The following BBS7 variants were observed in gnomAD, a reference collection of about 807,000 sequenced individuals.
BBS7 encodes the protein Bardet-Biedl syndrome 7.
A neutral mutation model predicts 90.3 loss-of-function variants in BBS7; 50 were observed. The ratio of observed to expected loss-of-function variants is 0.55; its 90% CI spans 0.44 to 0.70. The LOEUF (loss-of-function observed/expected upper bound fraction) is 0.70. Among genes scored for constraint, BBS7 ranks in the 30% least tolerant of loss-of-function variants. The pLI is 0.00. For missense variants in BBS7, 729 were observed against 838.9 expected (o/e 0.87, Z 1.62); for synonymous variants, 235 against 287.4 (o/e 0.82, Z 1.85).
chr4:121,839,675 C>T lies in BBS7; in HGVS notation c.1327G>A (p.Ala443Thr), dbSNP rs762270446. Reference protein sequence around the residue: ...DSESNDNFLLATYRCQADTTR... With the variant: ...DSESNDNFLLTTYRCQADTTR... Reference sequence around the variant, plus strand: ...GTATCTGCCTGGCACCGATAAGTGGCAAGAAGGAAGTTGTCGTTTGACTGG... The same window carrying T: ...GTATCTGCCTGGCACCGATAAGTGGTAAGAAGGAAGTTGTCGTTTGACTGG... The change falls in exon 13 of 19, where the codon GCC becomes ACC. Residue 443 changes from alanine to threonine, a missense_variant. Physicochemically the swap from Ala to Thr is moderately conservative, Grantham distance 58. Transcript: ENST00000264499. 25 of 1,613,540 alleles carry T rather than the reference C, an allele frequency of 1.5e-5. No individual in the cohort carries two copies. Among genetic ancestry groups the T allele is most frequent in the South Asian group, 9.9e-5 (9 of 91,084 alleles).
chr4:121,869,107 T>C (rs1004880330), intron 1 of BBS7, among the ~76,000 whole-genome samples: 2 of 152,046 alleles, frequency 1.3e-5, no homozygotes, highest in African/African-American at 4.8e-5. Context: ...ATGAGGGTAA[T>C]AGAGATGGAA....
intron 5 of BBS7, among the ~76,000 whole-genome samples, chr4:121,857,182 G>A (rs57779372): frequency 0.13 from 19,225 of 149,658 alleles, 3,378 homozygotes; most frequent in African/African-American, 0.4. Context: ...GCAGTGCAGT[G>A]GTGTGATCAT....
intron 18 of BBS7, among the ~76,000 whole-genome samples, chr4:121,826,754 T>C (rs909869519): frequency 2.0e-5 from 3 of 152,082 alleles, no homozygotes; most frequent in Admixed American, 6.6e-5. Context: ...GAGGCTGAGG[T>C]GGGCAGATCA....
chr4:121,828,561 T>A (rs1725017475), intron 16 of BBS7, 56 bp from the exon 17 acceptor site: 1 of 1,548,124 alleles, frequency 6.5e-7, no homozygotes, highest in African/African-American at 1.4e-5. Flanking sequence ...GAAACATTAA[T>A]AATGTAACAA....
At chr4:121,844,440 C>A (rs557601044) in intron 11 of BBS7, among the ~76,000 whole-genome samples, 1 of 152,224 alleles carries the variant, frequency 6.6e-6, no homozygotes, top group Admixed American at 6.5e-5. Context: ...TAGGACAAAG[C>A]TGTTGCACTG....
chr4:121,869,874 C>T (rs935297231), intron 1 of BBS7, among the ~76,000 whole-genome samples: 2 of 152,084 alleles, frequency 1.3e-5, no homozygotes, highest in Non-Finnish European at 2.9e-5. Context: ...CTGCCTGGTG[C>T]GGTACAGCTC....
chr4:121,843,385 A>C (rs1725840507), intron 12 of BBS7, among the ~76,000 whole-genome samples: 2 of 152,190 alleles, frequency 1.3e-5, no homozygotes, highest in African/African-American at 4.8e-5. Context: ...CAAGCAAGAC[A>C]TGATAAGGGC....
intron 6 of BBS7, 121 bp from the exon 7 acceptor site, chr4:121,854,941 A>T: frequency 2.2e-6 from 2 of 911,394 alleles, no homozygotes; most frequent in Non-Finnish European, 3.3e-6. Context: ...ATAAAACTTA[A>T]TTGTTGAGAA....
Position 121,847,494 on chromosome 4 carries a change from C to G in BBS7, c.947G>C (p.Gly316Ala). ...CTTATGAATGGGCTCTGTTGTCAGA[C>G]CTGTAACCCAGCCTGTAGAGATGAA... ...VVSTYSGWVT[G>A]LTTEPIHKES... Residue 316 changes from glycine (G) to alanine (A), a missense_variant, in exon 10 of 19, where the codon GGT (glycine) becomes GCT (alanine). Coordinates refer to ENST00000264499, the MANE Select transcript of BBS7 (RefSeq NM_176824.3). The G allele has an allele frequency of 6.2e-7, 1 of 1,612,196 alleles. No homozygotes were observed. The highest frequency in any genetic ancestry group is 8.5e-7 in the Non-Finnish European group (1 of 1,178,422).
chr4:121,826,874 C>T (rs1474441127), intron 18 of BBS7, among the ~76,000 whole-genome samples: 1 of 152,152 alleles, frequency 6.6e-6, no homozygotes, highest in Non-Finnish European at 1.5e-5. Context: ...ATCGCAGCTA[C>T]TCAGGAGGCT....
At position 121,839,770 on chromosome 4, in the gene BBS7, T is replaced by C. The variant is rs551994889; in HGVS notation, c.1306-74A>G. On this transcript the variant is annotated intron_variant, in intron 12 of 18. Transcript: ENST00000264499. Reference sequence around the variant, plus strand: ...AACAAAAAAAAGACATCAATAATAATAATGGTTACCATTTGCTTAAGCACC... The same window carrying C: ...AACAAAAAAAAGACATCAATAATAACAATGGTTACCATTTGCTTAAGCACC... The C allele has an allele frequency of 1.1e-3, 1,369 of 1,294,470 alleles. 6 individuals are homozygous for C. Among genetic ancestry groups the C allele is most frequent in the Non-Finnish European group, 1.3e-3 (1,169 of 897,310 alleles). 80.2% of individuals were successfully genotyped at this position (1,294,470 alleles called of 1,614,324 possible).
intron 18 of BBS7, 159 bp downstream of exon 18, chr4:121,827,987 T>C (rs922980294): frequency 6.8e-7 from 1 of 1,467,782 alleles, no homozygotes; most frequent in African/African-American, 1.4e-5. Context: ...TACAGAAATA[T>C]TCTGTGCAAT....
Position 121,855,497 on chromosome 4 carries a change from C to T in BBS7, c.593G>A (p.Gly198Glu). Residue 198 changes from glycine to glutamate, a missense_variant, in exon 6 of 19, where the codon GGA becomes GAA. Coordinates refer to ENST00000264499, the MANE Select transcript of BBS7 (RefSeq NM_176824.3). ...AATAAAATCCTGATTACCGCCATTT[C>T]CATTGTGTAGTGCTAAGACAGTAGG... ...GPPTVLALHN[G>E]NGGDSGEDLL... The T allele has an allele frequency of 6.2e-7, 1 of 1,613,302 alleles. No individual in the cohort carries two copies. Among genetic ancestry groups the T allele is most frequent in the African/African-American group, 1.3e-5 (1 of 75,008 alleles).
At chr4:121,828,915 G>C (rs1725039827) in intron 15 of BBS7, among the ~76,000 whole-genome samples, 187 bp from the exon 16 acceptor site, 1 of 152,046 alleles carries the variant, frequency 6.6e-6, no homozygotes, top group African/African-American at 2.4e-5. Context: ...TTCAGCTTCT[G>C]AATATACTCG....
chr4:121,840,034 A>T (rs1725655742), intron 12 of BBS7, among the ~76,000 whole-genome samples: 1 of 152,198 alleles, frequency 6.6e-6, no homozygotes. Flanking sequence ...AAAATCTGAC[A>T]ATGCAAACAC....
intron 13 of BBS7, among the ~76,000 whole-genome samples, chr4:121,838,082 C>T (rs1291533748): frequency 5.4e-5 from 8 of 148,514 alleles, no homozygotes; most frequent in Admixed American, 6.8e-5. Flanking sequence ...CCAGTCTGGG[C>T]GACAGAGCAA....
chr4:121,827,636 C>T, intron 18 of BBS7: 1 of 371,078 alleles, frequency 2.7e-6, no homozygotes, highest in Non-Finnish European at 3.7e-6. Context: ...CTTTCCCTCT[C>T]CTCACCTCCC....
intron 1 of BBS7, among the ~76,000 whole-genome samples, 174 bp from the exon 2 acceptor site, chr4:121,868,220 C>T (rs555191079): frequency 6.6e-6 from 1 of 152,080 alleles, no homozygotes; most frequent in South Asian, 2.1e-4. Context: ...TAGGAAACAA[C>T]CAAAATAGTA....
chr4:121,869,969 G>T (rs1015933088), intron 1 of BBS7, among the ~76,000 whole-genome samples: 1 of 152,206 alleles, frequency 6.6e-6, no homozygotes, highest in African/African-American at 2.4e-5. Context: ...AGGCAGCCAC[G>T]GCTAGGGAGG....
Sources: allele counts gnomAD v4.1 joint callset (sites outside exome capture counted in the v4.1 genomes callset), GRCh38; gene constraint gnomAD v4.1.1; transcripts MANE v1.5; gene names NCBI Gene and HGNC (gene_info 2026-07-23, HGNC 2026-07-21).